Variants in VTI1A observed in about 807,000 individuals in gnomAD.
VTI1A encodes vesicle transport through interaction with t-SNAREs homolog 1A.
Under a neutral mutation model 34.9 loss-of-function variants are expected in VTI1A, and 22 were observed. The observed-to-expected ratio is 0.63, with a 90% CI of 0.45 to 0.90. The LOEUF (loss-of-function observed/expected upper bound fraction) is 0.90. Ranked by LOEUF, VTI1A falls within the 40% of genes least tolerant of loss-of-function variation. The pLI is 0.00. For synonymous variants in VTI1A, 87 were observed against 97.3 expected (o/e 0.89, Z 0.62); for missense variants, 268 against 275.6 (o/e 0.97, Z 0.20).
intron 5 of VTI1A, among the ~76,000 whole-genome samples, chr10:112,626,437 A>G (rs907027358): frequency 6.6e-6 from 1 of 152,204 alleles, no homozygotes; most frequent in African/African-American, 2.4e-5. Flanking sequence ...ATAAAGTTAC[A>G]GTATATTTAT....
chr10:112,799,169 G>A (rs766812643), intron 7 of VTI1A, among the ~76,000 whole-genome samples: 4 of 152,090 alleles, frequency 2.6e-5, no homozygotes, highest in African/African-American at 4.8e-5. Context: ...TCTGAGAGCC[G>A]CAGGGGTCAA....
chr10:112,802,594 G>A (rs1042863115), intron 7 of VTI1A, among the ~76,000 whole-genome samples: 3 of 152,218 alleles, frequency 2.0e-5, no homozygotes, highest in Non-Finnish European at 4.4e-5. Context: ...TGCCATGGCT[G>A]CAGCTGTCCT....
chr10:112,766,646 A>ATCC (rs10644965), intron 7 of VTI1A, among the ~76,000 whole-genome samples: 73,178 of 151,830 alleles, frequency 0.48, 20,039 homozygotes, highest in African/African-American at 0.76. Context: ...TGCTCAAGGA[A>ATCC]TATGGTCCAA....
intron 5 of VTI1A, among the ~76,000 whole-genome samples, chr10:112,663,635 G>A (rs140139713): frequency 5.3e-4 from 81 of 152,258 alleles, no homozygotes; most frequent in African/African-American, 1.9e-3. Context: ...CAATACAGAG[G>A]ATAACCTAGC....
chr10:112,696,962 C>A (rs907402266), intron 7 of VTI1A, among the ~76,000 whole-genome samples: 13 of 152,128 alleles, frequency 8.5e-5, no homozygotes, highest in Non-Finnish European at 1.8e-4. Context: ...AGTTTTTATT[C>A]AATAAAGCAT....
intron 5 of VTI1A, among the ~76,000 whole-genome samples, chr10:112,614,245 A>G (rs998879312): frequency 1.3e-5 from 2 of 152,188 alleles, no homozygotes; most frequent in Non-Finnish European, 2.9e-5. Context: ...GTGAGGGTAC[A>G]AGAGCATCAG....
At chr10:112,599,925 C>T (rs901898947) in intron 5 of VTI1A, among the ~76,000 whole-genome samples, 3 of 152,124 alleles carry the variant, frequency 2.0e-5, no homozygotes, top group Non-Finnish European at 4.4e-5. Context: ...GTTCCAACTC[C>T]GGGCAACTCA....
At chr10:112,793,331 A>C (rs966749337) in intron 7 of VTI1A, among the ~76,000 whole-genome samples, 4 of 152,212 alleles carry the variant, frequency 2.6e-5, no homozygotes, top group Non-Finnish European at 5.9e-5. Flanking sequence ...GCCTTGATTC[A>C]AGTTGAAATG....
intron 3 of VTI1A, 77 bp from the exon 4 acceptor site, chr10:112,527,010 C>T (rs1850253489): frequency 6.8e-7 from 1 of 1,465,168 alleles, no homozygotes; most frequent in South Asian, 1.2e-5. Context: ...TGAGATCAGC[C>T]TTGATACCAA....
chr10:112,736,109 G>GTACATATATATATA (rs1181090787), intron 7 of VTI1A, among the ~76,000 whole-genome samples: 1 of 116,888 alleles, frequency 8.6e-6, no homozygotes, highest in African/African-American at 4.0e-5. Context: ...ATATGTGTGT[G>GTACATATATATATA]TGTATATATA....
intron 7 of VTI1A, among the ~76,000 whole-genome samples, chr10:112,698,608 C>T (rs888512632): frequency 3.3e-4 from 51 of 152,304 alleles, no homozygotes; most frequent in African/African-American, 9.9e-4. Context: ...CACTTGTAAT[C>T]GAATCTGCTC....
In VTI1A at chr10:112,526,743, A is replaced by G. The variant is rs964927935; in HGVS notation, c.265-344A>G. Reference sequence around the variant, plus strand: ...AACATATACTCCTGTCTTAAGTACAATCTAGTGAGTTTTACAGACATGCAG... The same window carrying G: ...AACATATACTCCTGTCTTAAGTACAGTCTAGTGAGTTTTACAGACATGCAG... On this transcript the variant is annotated intron_variant, in intron 3 of 7. Transcript: ENST00000393077. Among the ~76,000 whole-genome samples the G allele has an allele frequency of 3.9e-5, 6 of 152,250 alleles. No individual in the cohort carries two copies. The South Asian group carries it at 1.2e-3, about 32-fold the overall frequency.
chr10:112,597,071 T>C (rs555639154), intron 5 of VTI1A, among the ~76,000 whole-genome samples: 8 of 152,306 alleles, frequency 5.3e-5, no homozygotes, highest in African/African-American at 1.9e-4. Context: ...GTTTTACTTA[T>C]TAGGTTGGTA....
intron 7 of VTI1A, among the ~76,000 whole-genome samples, chr10:112,788,425 T>G (rs1041072559): frequency 6.6e-6 from 1 of 152,244 alleles, no homozygotes; most frequent in Admixed American, 6.5e-5. Flanking sequence ...ACTATTTGTC[T>G]TAAAAGCCAT....
upstream of VTI1A, chr10:112,447,047 G>A (rs1318758608): frequency 6.4e-6 from 2 of 313,592 alleles, no homozygotes; most frequent in Non-Finnish European, 6.2e-6. Context: ...ACACGAAGGG[G>A]GGAAAAAACG....
intron 7 of VTI1A, among the ~76,000 whole-genome samples, chr10:112,776,162 C>G (rs918367282): frequency 1.1e-4 from 16 of 152,240 alleles, no homozygotes; most frequent in Admixed American, 8.5e-4. Context: ...TGCATTCACT[C>G]GAGGAGTAAG....
At chr10:112,452,610 C>T in intron 1 of VTI1A, among the ~76,000 whole-genome samples, 1 of 150,652 alleles carries the variant, frequency 6.6e-6, no homozygotes, top group African/African-American at 2.4e-5. Flanking sequence ...TTGTATTCAT[C>T]TTTGAATAAT....
intron 7 of VTI1A, among the ~76,000 whole-genome samples, chr10:112,724,787 A>G (rs200052213): frequency 2.2e-4 from 13 of 60,376 alleles, no homozygotes; most frequent in Admixed American, 1.2e-3. Flanking sequence ...CCTTTTTTTG[A>G]AAAAAAAAAA....
intron 5 of VTI1A, among the ~76,000 whole-genome samples, chr10:112,620,800 A>G (rs1845707551): frequency 6.6e-6 from 1 of 151,728 alleles, no homozygotes; most frequent in African/African-American, 2.4e-5. Context: ...CAAAAAAAAA[A>G]AAAGAAAAGA....
Sources: allele counts gnomAD v4.1 joint callset (sites outside exome capture counted in the v4.1 genomes callset), GRCh38; gene constraint gnomAD v4.1.1; transcripts MANE v1.5; gene names NCBI Gene and HGNC (gene_info 2026-07-23, HGNC 2026-07-21).